The following SNX29 variants were observed in gnomAD, a reference collection of about 807,000 sequenced individuals.
SNX29 encodes sorting nexin-29.
In SNX29, 78 loss-of-function variants were observed where a neutral mutation model predicts 102.1. The ratio of observed to expected loss-of-function variants is 0.76; its 90% CI spans 0.64 to 0.92. The LOEUF is 0.92. Ranked by LOEUF, SNX29 falls within the 40% of genes least tolerant of loss-of-function variation. The pLI, the probability that SNX29 is intolerant of heterozygous loss-of-function variation, is 0.00. For missense variants in SNX29, 1,280 were observed against 1,061.7 expected, an observed-to-expected ratio of 1.21 and a Z score of -2.86; for synonymous variants, 580 against 414.5, an observed-to-expected ratio of 1.40 and a Z score of -4.85.
chr16:12,465,955 A>T (rs916334461), intron 18 of SNX29, among the ~76,000 whole-genome samples: 2 of 152,156 alleles, frequency 1.3e-5, no homozygotes, highest in Non-Finnish European at 2.9e-5. Flanking sequence ...ACATCCTTTC[A>T]TGATAACCCC....
Position 12,211,782 on chromosome 16 carries a change from T to G in SNX29, c.1678+12099T>G, listed in dbSNP as rs1427260180. ...CCGTTTTTTGTTTGTTTGTTTGTTTTTTCTTCTTAAAGCCTTCAGCTGATT... is the reference window on the plus strand; with the variant it reads ...CCGTTTTTTGTTTGTTTGTTTGTTTGTTCTTCTTAAAGCCTTCAGCTGATT... On this transcript the variant is annotated intron_variant, in intron 14 of 20. Coordinates refer to ENST00000566228, the MANE Select transcript of SNX29 (RefSeq NM_032167.5). Among the ~76,000 whole-genome samples the G allele has an allele frequency of 2.0e-5, 3 of 152,318 alleles. No individual in the cohort carries two copies. In the East Asian group the frequency reaches 5.8e-4, roughly 29 times the overall value.
chr16:12,024,595 G>A (rs909951817), intron 3 of SNX29, among the ~76,000 whole-genome samples: 1 of 152,184 alleles, frequency 6.6e-6, no homozygotes, highest in Admixed American at 6.5e-5. Context: ...CTGGGTATTC[G>A]TGCAGTGTTA....
chr16:12,383,459 CAG>C (rs1233215093), intron 16 of SNX29, among the ~76,000 whole-genome samples: 1 of 151,904 alleles, frequency 6.6e-6, no homozygotes, highest in African/African-American at 2.4e-5. Flanking sequence ...CTTTTTGGGA[CAG>C]AGTCTCGCTC....
chr16:12,281,481 T>C (rs546684270), intron 15 of SNX29, among the ~76,000 whole-genome samples: 29 of 152,138 alleles, frequency 1.9e-4, no homozygotes, highest in Non-Finnish European at 3.4e-4. Flanking sequence ...GTATAAAAAT[T>C]GTTCCTGACA....
chr16:12,154,126 C>G (rs115354000), intron 13 of SNX29, among the ~76,000 whole-genome samples: 1,830 of 152,244 alleles, frequency 0.012, 37 homozygotes, highest in African/African-American at 0.042. Flanking sequence ...CCTTCCTTCT[C>G]TTTCCTTCTC....
chr16:12,282,671 T>C (rs908279261), intron 15 of SNX29, among the ~76,000 whole-genome samples: 2 of 152,224 alleles, frequency 1.3e-5, no homozygotes, highest in African/African-American at 4.8e-5. Flanking sequence ...GTTTTGTTTT[T>C]TGAGATGGAG....
chr16:12,210,138 G>C (rs941093021), intron 14 of SNX29, among the ~76,000 whole-genome samples: 2 of 152,072 alleles, frequency 1.3e-5, no homozygotes, highest in South Asian at 4.2e-4. Flanking sequence ...ATCCCACTAC[G>C]TCGGCTACTT....
intron 20 of SNX29, among the ~76,000 whole-genome samples, chr16:12,542,078 A>C (rs995595988): frequency 3.9e-5 from 6 of 152,048 alleles, no homozygotes; most frequent in African/African-American, 1.4e-4. Context: ...AGTTAGTCCA[A>C]ATCCTGCAAT....
At chr16:12,399,293 C>G (rs1164404914) in intron 17 of SNX29, among the ~76,000 whole-genome samples, 1 of 152,174 alleles carries the variant, frequency 6.6e-6, no homozygotes, top group East Asian at 1.9e-4. Context: ...CTCAGGTGAT[C>G]CACCCACCTC....
At chr16:12,237,446 T>A (rs745851292) in intron 14 of SNX29, among the ~76,000 whole-genome samples, 4 of 152,244 alleles carry the variant, frequency 2.6e-5, no homozygotes, top group Non-Finnish European at 4.4e-5. Context: ...GTTGCTGTTC[T>A]GTTGTGACAG....
At chr16:12,510,492 G>A (rs1296001128) in intron 19 of SNX29, among the ~76,000 whole-genome samples, 1 of 152,078 alleles carries the variant, frequency 6.6e-6, no homozygotes, top group Non-Finnish European at 1.5e-5. Flanking sequence ...GACCAACATG[G>A]CGAAACCCTG....
chr16:12,510,752 T>A (rs1309438870), intron 19 of SNX29, among the ~76,000 whole-genome samples: 1 of 151,604 alleles, frequency 6.6e-6, no homozygotes, highest in Non-Finnish European at 1.5e-5. Context: ...CTGTCCAGCC[T>A]GCAGTTTGCG....
At chr16:12,135,748 G>A (rs2054636436) in intron 13 of SNX29, 1 of 579,458 alleles carries the variant, frequency 1.7e-6, no homozygotes, top group South Asian at 1.9e-5. Flanking sequence ...GCCATTTGTG[G>A]TGGTTTTTCT....
intron 20 of SNX29, among the ~76,000 whole-genome samples, chr16:12,543,785 G>C (rs1009263532): frequency 6.6e-6 from 1 of 152,206 alleles, no homozygotes; most frequent in Non-Finnish European, 1.5e-5. Flanking sequence ...AGATGTATCT[G>C]GTGCTCTAGA....
rs1439858189 is a variant in SNX29, at chr16:12,571,165, C to A, written c.*2536C>A. 4.3e-6 allele frequency: 1 copy of A among 232,720 alleles called. No individual in the cohort carries two copies. The highest frequency in any genetic ancestry group is 6.1e-5 in the East Asian group (1 of 16,498). 14.4% of individuals were successfully genotyped at this position (232,720 alleles called of 1,614,324 possible). A position where few individuals can be genotyped will look rare whatever the true frequency, so the allele number is the denominator to read the frequency against. ...TCTTGCTGCTCAGAAGAATCCCGTCCTGCTCTCTAGTGTGGTGGGATGAAC... is the reference window on the plus strand; with the variant it reads ...TCTTGCTGCTCAGAAGAATCCCGTCATGCTCTCTAGTGTGGTGGGATGAAC... On this transcript the variant is annotated 3_prime_UTR_variant, in exon 21 of 21. Coordinates refer to ENST00000566228, the MANE Select transcript of SNX29 (RefSeq NM_032167.5).
intron 14 of SNX29, among the ~76,000 whole-genome samples, chr16:12,255,264 C>T (rs984605747): frequency 6.6e-6 from 1 of 152,100 alleles, no homozygotes; most frequent in Non-Finnish European, 1.5e-5. Context: ...GGCGTGATCT[C>T]GGCTCACTGC....
At chr16:12,416,536 C>A (rs7199458) in intron 18 of SNX29, among the ~76,000 whole-genome samples, 17,968 of 152,166 alleles carry the variant, frequency 0.12, 1,146 homozygotes, top group Middle Eastern at 0.19. Flanking sequence ...CCCCTGAGTT[C>A]GTTTGTTTTG....
intron 18 of SNX29, among the ~76,000 whole-genome samples, chr16:12,450,107 G>C (rs968382560): frequency 6.6e-6 from 1 of 152,182 alleles, no homozygotes; most frequent in African/African-American, 2.4e-5. Flanking sequence ...GTAAGAGGTG[G>C]CTTTGCTCTT....
At chr16:12,409,300 T>C (rs2084297390) in intron 18 of SNX29, among the ~76,000 whole-genome samples, 1 of 152,264 alleles carries the variant, frequency 6.6e-6, no homozygotes, top group South Asian at 2.1e-4. Context: ...GTTTGATTTT[T>C]CTGGCACTTC....
Sources: allele counts gnomAD v4.1 joint callset (sites outside exome capture counted in the v4.1 genomes callset), GRCh38; gene constraint gnomAD v4.1.1; transcripts MANE v1.5; gene names NCBI Gene and HGNC (gene_info 2026-07-23, HGNC 2026-07-21).